CREB3L2: variants seen among roughly 807,000 people sequenced by gnomAD.
The protein encoded by CREB3L2 is cAMP responsive element binding protein 3 like 2.
CREB3L2 carries 23 observed loss-of-function variants against 57.2 expected under a neutral mutation model. The ratio of observed to expected loss-of-function variants is 0.40; its 90% CI spans 0.29 to 0.57. The LOEUF (loss-of-function observed/expected upper bound fraction) is 0.57, where lower values mean the gene tolerates loss of function less well. Ranked by LOEUF, CREB3L2 falls within the 20% of genes least tolerant of loss-of-function variation. The pLI, the probability that CREB3L2 is intolerant of heterozygous loss-of-function variation, is 0.42. For synonymous variants in CREB3L2, 268 were observed against 265.1 expected (o/e 1.01, Z -0.11); for missense variants, 628 against 634.7 (o/e 0.99, Z 0.11).
chr7:137,910,213 C>G (rs966062373), intron 4 of CREB3L2, among the ~76,000 whole-genome samples: 1 of 152,116 alleles, frequency 6.6e-6, no homozygotes, highest in South Asian at 2.1e-4. Context: ...CTGGTCCCCC[C>G]GGCCCTGGCA....
rs917619109 is a variant in CREB3L2, at chr7:137,875,836, T to C, written c.*4640A>G. On this transcript the variant is annotated 3_prime_UTR_variant, in exon 12 of 12. Transcript: ENST00000330387. ...AACACCCTAGTAAATGCTCAAGAAA[T>C]ATTATTTCCCTTCCTTCTAGAAACC... is the stretch of plus-strand genomic sequence containing the variant. 1 of 224,564 alleles carries C rather than the reference T, an allele frequency of 4.5e-6. No individual in the cohort carries two copies. The highest frequency in any genetic ancestry group is 2.2e-5 in the African/African-American group (1 of 44,872). The allele number at this position is 224,564 out of a possible 1,614,324, so 13.9% of individuals were successfully genotyped here.
At chr7:137,956,616 C>T (rs1188099705) in intron 1 of CREB3L2, 12 of 1,289,016 alleles carry the variant, frequency 9.3e-6, no homozygotes, top group Middle Eastern at 2.1e-4. Context: ...ACAGCCATGC[C>T]GAATATTTCT....
intron 10 of CREB3L2, among the ~76,000 whole-genome samples, chr7:137,883,516 C>A (rs556057444): frequency 6.6e-6 from 1 of 152,228 alleles, no homozygotes; most frequent in East Asian, 1.9e-4. Context: ...GGTTCATATG[C>A]CTTTTCCTAT....
chr7:137,968,920 G>C (rs190607551), intron 1 of CREB3L2, among the ~76,000 whole-genome samples: 10 of 152,236 alleles, frequency 6.6e-5, no homozygotes, highest in Non-Finnish European at 1.3e-4. Context: ...AAAGTGAGAA[G>C]GGGCAAAAAG....
At chr7:137,975,643 A>G (rs1012156032) in intron 1 of CREB3L2, among the ~76,000 whole-genome samples, 16 of 152,202 alleles carry the variant, frequency 1.1e-4, no homozygotes, top group Admixed American at 2.6e-4. Context: ...TACTTCTCCT[A>G]GATGCTCTCT....
chr7:137,928,372 A>G lies in CREB3L2; in HGVS notation c.103-6T>C, dbSNP rs1212566353. ...TCCAGAAGTTCTGAGAAGTGCTACA[A>G]GAAACAAAGGAGGAAGAACTCAGTT... On this transcript the variant is annotated splice_polypyrimidine_tract_variant and splice_region_variant and intron_variant, in intron 1 of 11. Transcript: ENST00000330387. The G allele has an allele frequency of 1.9e-6, 3 of 1,611,986 alleles. No individual in the cohort carries two copies. The highest frequency in any genetic ancestry group is 2.5e-6 in the Non-Finnish European group (3 of 1,178,388).
At chr7:137,967,352 T>G (rs1014366593) in intron 1 of CREB3L2, among the ~76,000 whole-genome samples, 2 of 152,216 alleles carry the variant, frequency 1.3e-5, no homozygotes, top group Non-Finnish European at 2.9e-5. Context: ...GAGCTCATTA[T>G]CGGGACATCA....
Position 138,001,774 on chromosome 7 carries a change from G to C in CREB3L2, c.-69C>G, listed in dbSNP as rs959079336. ...GGGACGCGCAGAGCTGCCTCGGACCGGCAAGGTTCCTCTCTCTCCGCGTGT... is the reference window on the plus strand; with the variant it reads ...GGGACGCGCAGAGCTGCCTCGGACCCGCAAGGTTCCTCTCTCTCCGCGTGT... On this transcript the variant is annotated 5_prime_UTR_variant, in exon 1 of 12. Transcript: ENST00000330387. The surrounding 1 kb of genome is among the most constrained non-coding windows in gnomAD (Gnocchi z 4.2). The C allele has an allele frequency of 5.1e-6, 6 of 1,166,310 alleles. No homozygotes were observed. In the African/African-American group the frequency reaches 7.7e-5, roughly 15 times the overall value. The allele number at this position is 1,166,310 out of a possible 1,614,324, so 72.2% of individuals were successfully genotyped here. A position where few individuals can be genotyped will look rare whatever the true frequency, so the allele number is the denominator to read the frequency against.
rs537099264 is a variant in CREB3L2 at position 137,911,142 on chromosome 7, T to G, written c.583+1849A>C. ...CTGGTGTTATACAAACGAAAGCAAT[T>G]ACTTTGAAGCAGTACATAAAGCTGA... is the stretch of plus-strand genomic sequence containing the variant. On this transcript the variant is annotated intron_variant, in intron 4 of 11. Transcript: ENST00000330387. 7.9e-5 allele frequency among the ~76,000 whole-genome samples: 12 copies of G among 152,346 alleles called. No individual in the cohort carries two copies. The South Asian group carries it at 2.5e-3, about 32-fold the overall frequency.
intron 10 of CREB3L2, among the ~76,000 whole-genome samples, chr7:137,883,879 TTG>T (rs1474296330): frequency 1.1e-4 from 16 of 152,218 alleles, no homozygotes. Context: ...AGGTGTGAAT[TTG>T]TGTGTGTATT....
At chr7:137,901,493 G>A (rs1487686077) in intron 7 of CREB3L2, 71 bp from the exon 8 acceptor site, 1 of 970,446 alleles carries the variant, frequency 1.0e-6, no homozygotes, top group Non-Finnish European at 1.6e-6. Flanking sequence ...TAGGGTGGAG[G>A]TAGGTGGGGA....
At chr7:137,930,777 A>G (rs765389106) in intron 1 of CREB3L2, among the ~76,000 whole-genome samples, 9 of 152,132 alleles carry the variant, frequency 5.9e-5, no homozygotes, top group Non-Finnish European at 1.3e-4. Context: ...TACATTTCAA[A>G]CTGGAAGGTC....
At chr7:137,996,454 T>C (rs576022095) in intron 1 of CREB3L2, among the ~76,000 whole-genome samples, 6 of 152,370 alleles carry the variant, frequency 3.9e-5, no homozygotes, top group Non-Finnish European at 8.8e-5. Context: ...GTGGAGGTCA[T>C]GTGACCATAA....
intron 1 of CREB3L2, among the ~76,000 whole-genome samples, chr7:137,969,409 C>T (rs1189109528): frequency 2.2e-5 from 3 of 137,744 alleles, no homozygotes; most frequent in African/African-American, 5.5e-5. Context: ...TGCAATGGCA[C>T]GAACTCGGCT....
chr7:137,964,426 G>A lies in CREB3L2; in HGVS notation c.103-36060C>T, dbSNP rs540241979. On this transcript the variant is annotated intron_variant, in intron 1 of 11. Transcript: ENST00000330387. Reference sequence around the variant, plus strand: ...CTTGTCACTACCAAATCAATCATGTGTTTCGACAGGGGAATGTTTTCCTCC... The same window carrying A: ...CTTGTCACTACCAAATCAATCATGTATTTCGACAGGGGAATGTTTTCCTCC... Among the ~76,000 whole-genome samples, 155 of 152,322 alleles carry A rather than the reference G, an allele frequency of 1.0e-3. 1 individual carries two copies. Among genetic ancestry groups the A allele is most frequent in the Middle Eastern group, 6.8e-3 (2 of 294 alleles).
At chr7:137,943,998 G>C (rs188733901) in intron 1 of CREB3L2, among the ~76,000 whole-genome samples, 1 of 152,116 alleles carries the variant, frequency 6.6e-6, no homozygotes, top group Non-Finnish European at 1.5e-5. Context: ...ACTTCTCTTC[G>C]TGACTGTCTC....
intron 5 of CREB3L2, among the ~76,000 whole-genome samples, chr7:137,906,392 T>C (rs1343357384): frequency 6.6e-6 from 1 of 152,198 alleles, no homozygotes; most frequent in African/African-American, 2.4e-5. Flanking sequence ...AGAATGTCCA[T>C]CAACAATGAA....
At chr7:137,890,609 G>T (rs1799511581) in intron 8 of CREB3L2, among the ~76,000 whole-genome samples, 1 of 152,188 alleles carries the variant, frequency 6.6e-6, no homozygotes, top group African/African-American at 2.4e-5. Context: ...CCCTCCCAGG[G>T]TAACTCTGCG....
In CREB3L2 at chr7:137,880,568, A is replaced by G. The variant is rs1263788447; in HGVS notation, c.1488-17T>C. ...GCGCTGACCCTGTGAAGGCATTAAAAGGAAAACGAAGTATTAGTCACCAGC... is the reference window on the plus strand; with the variant it reads ...GCGCTGACCCTGTGAAGGCATTAAAGGGAAAACGAAGTATTAGTCACCAGC... On this transcript the variant is annotated splice_polypyrimidine_tract_variant and intron_variant, in intron 11 of 11. Transcript: ENST00000330387. This position sits in a 1 kb window ranked among gnomAD's most constrained non-coding sequence, Gnocchi z 4.0. 1 of 1,592,484 alleles carries G rather than the reference A, an allele frequency of 6.3e-7. No homozygotes were observed. The highest frequency in any genetic ancestry group is 1.7e-5 in the Admixed American group (1 of 59,920).
Sources: gnomAD v4.1 joint callset for allele counts (sites outside exome capture counted in the v4.1 genomes callset) on GRCh38, gnomAD v4.1.1 for gene constraint, Gnocchi (gnomAD v3.1) non-coding constraint, MANE v1.5 for transcripts, NCBI Gene and HGNC (gene_info 2026-07-23, HGNC 2026-07-21) for gene names.